The following PAPPA variants were observed in gnomAD, a reference collection of about 807,000 sequenced individuals.
PAPPA encodes the protein pappalysin 1.
In PAPPA, 60 loss-of-function variants were observed where a neutral mutation model predicts 164.0. The ratio of observed to expected loss-of-function variants is 0.37; its 90% CI spans 0.30 to 0.45. The LOEUF is 0.45. PAPPA is among the 20% of genes least tolerant of loss of function. The probability of loss-of-function intolerance (pLI) is 1.00; values close to 1 mark genes in which losing one functional copy is unlikely to be tolerated. For synonymous variants in PAPPA, 875 were observed against 814.1 expected (o/e 1.07, Z -1.27); for missense variants, 1,782 against 2,087.3 (o/e 0.85, Z 2.85).
At chr9:116,180,160 C>A (rs7025886) in intron 1 of PAPPA, among the ~76,000 whole-genome samples, 33,232 of 151,990 alleles carry the variant, frequency 0.22, 3,802 homozygotes, top group Non-Finnish European at 0.25. Context: ...TGGAAGGGAC[C>A]TCTGTGACCA....
chr9:116,268,741 T>A (rs1845102764), intron 8 of PAPPA, among the ~76,000 whole-genome samples: 1 of 151,484 alleles, frequency 6.6e-6, no homozygotes, highest in Admixed American at 6.6e-5. Flanking sequence ...TTAGTATCTT[T>A]CATAAACATC....
At chr9:116,315,853 G>A (rs986402839) in intron 10 of PAPPA, among the ~76,000 whole-genome samples, 6 of 152,228 alleles carry the variant, frequency 3.9e-5, no homozygotes, top group African/African-American at 1.2e-4. Context: ...TAATGTAATA[G>A]TAATCACAGA....
intron 10 of PAPPA, among the ~76,000 whole-genome samples, chr9:116,326,537 T>C (rs1845922448): frequency 6.6e-6 from 1 of 152,208 alleles, no homozygotes; most frequent in African/African-American, 2.4e-5. Context: ...ACATTGAATG[T>C]CAACATTTTA....
intron 9 of PAPPA, among the ~76,000 whole-genome samples, chr9:116,272,546 ACACG>A (rs1845149475): frequency 6.6e-6 from 1 of 152,182 alleles, no homozygotes; most frequent in Non-Finnish European, 1.5e-5. Context: ...TCAATTCTCA[ACACG>A]CATTTGTTGA....
chr9:116,170,389 C>T (rs552368905), intron 1 of PAPPA, among the ~76,000 whole-genome samples: 6 of 152,214 alleles, frequency 3.9e-5, no homozygotes, highest in African/African-American at 1.4e-4. Flanking sequence ...ATATAATCTA[C>T]AACTTTGTTT....
chr9:116,190,272 G>C (rs750895820), intron 2 of PAPPA, among the ~76,000 whole-genome samples: 2 of 152,174 alleles, frequency 1.3e-5, no homozygotes, highest in Non-Finnish European at 2.9e-5. Context: ...GAGAGTGGGC[G>C]TGGGGTAGGA....
intron 1 of PAPPA, among the ~76,000 whole-genome samples, chr9:116,173,979 C>T (rs1843802112): frequency 6.6e-6 from 1 of 152,188 alleles, no homozygotes; most frequent in Non-Finnish European, 1.5e-5. Flanking sequence ...ATTCTGGAGT[C>T]TGATTGCTTG....
At chr9:116,307,774 C>A (rs1845666008) in intron 10 of PAPPA, among the ~76,000 whole-genome samples, 1 of 152,022 alleles carries the variant, frequency 6.6e-6, no homozygotes, top group South Asian at 2.1e-4. Context: ...AGAAATCATG[C>A]AGATCTGGCT....
intron 1 of PAPPA, among the ~76,000 whole-genome samples, chr9:116,185,170 G>A (rs574574313): frequency 2.3e-4 from 35 of 152,250 alleles, no homozygotes; most frequent in African/African-American, 7.9e-4. Flanking sequence ...TACTTAACCC[G>A]CTCCTTTACC....
intron 1 of PAPPA, among the ~76,000 whole-genome samples, chr9:116,185,210 A>G (rs1459515425): frequency 6.6e-6 from 1 of 152,196 alleles, no homozygotes; most frequent in Non-Finnish European, 1.5e-5. Flanking sequence ...AGAGGACACC[A>G]GAGGAGGCAT....
At chr9:116,380,678 C>G (rs1251859874) in intron 20 of PAPPA, among the ~76,000 whole-genome samples, 2 of 152,212 alleles carry the variant, frequency 1.3e-5, no homozygotes, top group Non-Finnish European at 2.9e-5. Context: ...AGAGTCACAC[C>G]TGAACCCACA....
rs1205305198 is a variant in PAPPA at position 116,154,923 on chromosome 9, G to C, written c.415+336G>C. Reference sequence around the variant, plus strand: ...ATGGTCAGATGCACTCTCTCCTTTTGGGATGAAAGGGAGGATGACCCAATT... The same window carrying C: ...ATGGTCAGATGCACTCTCTCCTTTTCGGATGAAAGGGAGGATGACCCAATT... On this transcript the variant is annotated intron_variant, in intron 1 of 21. Transcript: ENST00000328252. The surrounding 1 kb of genome is among the most constrained non-coding windows in gnomAD (Gnocchi z 5.2). 6.6e-6 allele frequency among the ~76,000 whole-genome samples: 1 copy of C among 152,236 alleles called. No homozygotes were observed. Among genetic ancestry groups the C allele is most frequent in the Non-Finnish European group, 1.5e-5 (1 of 68,044 alleles).
chr9:116,278,390 C>T (rs1159161670), intron 9 of PAPPA, among the ~76,000 whole-genome samples: 1 of 152,202 alleles, frequency 6.6e-6, no homozygotes, highest in Non-Finnish European at 1.5e-5. Flanking sequence ...CTATGTCCAA[C>T]TCCAGACTAA....
intron 1 of PAPPA, among the ~76,000 whole-genome samples, chr9:116,178,432 C>T (rs559090353): frequency 1.3e-5 from 2 of 152,332 alleles, no homozygotes; most frequent in South Asian, 4.1e-4. Flanking sequence ...TATTAACACA[C>T]ATTTTTAAAA....
chr9:116,384,095 T>A (rs1846770381), intron 21 of PAPPA, among the ~76,000 whole-genome samples: 1 of 151,986 alleles, frequency 6.6e-6, no homozygotes, highest in South Asian at 2.1e-4. Context: ...CTTGTTTTGC[T>A]TAGTTTTGTT....
At chr9:116,272,716 TCTC>T (rs1025160676) in intron 9 of PAPPA, among the ~76,000 whole-genome samples, 63 of 152,270 alleles carry the variant, frequency 4.1e-4, no homozygotes, top group African/African-American at 1.5e-3. Context: ...AAAAATTTTC[TCTC>T]CTCTGTTGAT....
At chr9:116,295,382 C>T (rs1453339839) in intron 9 of PAPPA, among the ~76,000 whole-genome samples, 4 of 151,690 alleles carry the variant, frequency 2.6e-5, no homozygotes, top group East Asian at 1.9e-4. Flanking sequence ...GGTGAAACCC[C>T]GTTTCTACTA....
intron 17 of PAPPA, among the ~76,000 whole-genome samples, chr9:116,355,741 G>A (rs1399753123): frequency 6.6e-6 from 1 of 152,202 alleles, no homozygotes; most frequent in South Asian, 2.1e-4. Flanking sequence ...GTATTTAAAG[G>A]AGAGGAAAGT....
chr9:116,254,781 C>CAAAA (rs143327103), intron 7 of PAPPA, among the ~76,000 whole-genome samples: 5 of 60,332 alleles, frequency 8.3e-5, no homozygotes, highest in Non-Finnish European at 9.9e-5. Flanking sequence ...GACTCCGTCT[C>CAAAA]AAAAAAAAAA....
Sources: gnomAD v4.1 joint callset for allele counts (sites outside exome capture counted in the v4.1 genomes callset) on GRCh38, gnomAD v4.1.1 for gene constraint, Gnocchi (gnomAD v3.1) non-coding constraint, MANE v1.5 for transcripts, NCBI Gene and HGNC (gene_info 2026-07-23, HGNC 2026-07-21) for gene names.